Variants in PKIA observed in about 807,000 individuals in gnomAD.
The protein encoded by PKIA is PKI-alpha.
In PKIA, 4 loss-of-function variants were observed where a neutral mutation model predicts 7.6. That is an observed-to-expected ratio of 0.52 (90% CI 0.26 to 1.20). PKIA has a LOEUF of 1.20. Among genes scored for constraint, PKIA ranks in the 50% most tolerant of loss-of-function variants. PKIA has a pLI of 0.13. For missense variants in PKIA, 73 were observed against 86.2 expected, an observed-to-expected ratio of 0.85 and a Z score of 0.61; for synonymous variants, 21 against 30.7, an observed-to-expected ratio of 0.68 and a Z score of 1.04.
chr8:78,580,173 A>G (rs1807772115), intron 2 of PKIA, among the ~76,000 whole-genome samples: 1 of 152,090 alleles, frequency 6.6e-6, no homozygotes, highest in Non-Finnish European at 1.5e-5. Context: ...GATAAATATT[A>G]TAAATTTTGT....
intron 1 of PKIA, chr8:78,535,923 A>G (rs34428909): frequency 0.2 from 30,170 of 151,980 alleles, 3,885 homozygotes; most frequent in African/African-American, 0.37. Context: ...CAATCGCCCC[A>G]TGCACGCTGC....
At chr8:78,596,106 TC>T (rs1185112413) in intron 2 of PKIA, among the ~76,000 whole-genome samples, 1 of 152,190 alleles carries the variant, frequency 6.6e-6, no homozygotes, top group Non-Finnish European at 1.5e-5. Flanking sequence ...TTTGCATTTT[TC>T]TAATGATTAG....
rs150048606 is a variant in PKIA at position 78,522,532 on chromosome 8, A to G, written c.-157+6064A>G. Among the ~76,000 whole-genome samples, 447 of 152,076 alleles carry G rather than the reference A, an allele frequency of 2.9e-3. 1 individual carries two copies. The highest frequency in any genetic ancestry group is 0.01 in the African/African-American group (429 of 41,544). ...CTTTCATACTATCTTAAAAATGAAT[A>G]CAGATACTATAAGGAAATCAACTGA... On this transcript the variant is annotated intron_variant, in intron 1 of 3. Coordinates refer to ENST00000396418, the MANE Select transcript of PKIA (RefSeq NM_006823.4).
intron 2 of PKIA, among the ~76,000 whole-genome samples, chr8:78,579,806 C>T (rs1156515291): frequency 6.6e-6 from 1 of 152,030 alleles, no homozygotes; most frequent in Admixed American, 6.6e-5. Flanking sequence ...ACAACCATTT[C>T]CACCCATAAA....
intron 1 of PKIA, among the ~76,000 whole-genome samples, chr8:78,568,935 T>TC (rs1807483493): frequency 6.6e-6 from 1 of 152,054 alleles, no homozygotes; most frequent in African/African-American, 2.4e-5. Context: ...GCACTGTGGT[T>TC]CCCCCACCAG....
At position 78,585,870 on chromosome 8, in the gene PKIA, G is replaced by A. The variant is rs1563590078; in HGVS notation, c.-27-12488G>A. On this transcript the variant is annotated intron_variant, in intron 2 of 3. Transcript: ENST00000396418. ...AAAGATCGCCGAGTTTAGCTTAAATGTAGCATTGTGGCATATTAAAATGGC... is the reference window on the plus strand; with the variant it reads ...AAAGATCGCCGAGTTTAGCTTAAATATAGCATTGTGGCATATTAAAATGGC... Among the ~76,000 whole-genome samples the A allele has an allele frequency of 2.6e-5, 4 of 152,148 alleles. No homozygotes were observed. In the South Asian group the frequency reaches 8.3e-4, roughly 32 times the overall value.
intron 1 of PKIA, among the ~76,000 whole-genome samples, chr8:78,527,956 T>G (rs189025399): frequency 1.3e-5 from 2 of 152,250 alleles, no homozygotes; most frequent in Admixed American, 1.3e-4. Flanking sequence ...TAAATCAAGT[T>G]TTTCAGAATA....
chr8:78,542,076 T>C (rs745382944), intron 1 of PKIA, among the ~76,000 whole-genome samples: 1 of 152,040 alleles, frequency 6.6e-6, no homozygotes, highest in East Asian at 1.9e-4. Context: ...CTCAAGATGA[T>C]TGCTTGAGCC....
intron 1 of PKIA, among the ~76,000 whole-genome samples, chr8:78,563,231 A>G (rs1463746543): frequency 6.6e-6 from 1 of 152,186 alleles, no homozygotes. Flanking sequence ...TAACCTTTCA[A>G]TGCCTCAGTT....
At chr8:78,585,327 T>C (rs1807924222) in intron 2 of PKIA, among the ~76,000 whole-genome samples, 1 of 152,058 alleles carries the variant, frequency 6.6e-6, no homozygotes, top group African/African-American at 2.4e-5. Flanking sequence ...TTCTTTTCTC[T>C]AGAGCCTATT....
intron 1 of PKIA, among the ~76,000 whole-genome samples, chr8:78,520,734 C>CT (rs1171746632): frequency 6.6e-6 from 1 of 152,150 alleles, no homozygotes; most frequent in Non-Finnish European, 1.5e-5. Flanking sequence ...GTCTGTACAT[C>CT]TTCTCCCCAA....
chr8:78,547,099 T>C (rs1202098467), intron 1 of PKIA, among the ~76,000 whole-genome samples: 1 of 151,904 alleles, frequency 6.6e-6, no homozygotes, highest in African/African-American at 2.4e-5. Context: ...AAAAACAGTT[T>C]TGTTTTTTTT....
Position 78,536,373 on chromosome 8 carries a change from A to G in PKIA, c.-157+19905A>G, listed in dbSNP as rs142883413. ...AAGAAGTACAGCTGCCTCAGAGACAATGAGAGGCTATGAAAATAAAGGAAA... is the reference window on the plus strand; with the variant it reads ...AAGAAGTACAGCTGCCTCAGAGACAGTGAGAGGCTATGAAAATAAAGGAAA... On this transcript the variant is annotated intron_variant, in intron 1 of 3. Coordinates refer to ENST00000396418, the MANE Select transcript of PKIA (RefSeq NM_006823.4). Among the ~76,000 whole-genome samples, 1,439 of 152,230 alleles carry G rather than the reference A, an allele frequency of 9.5e-3. 16 individuals carry two copies. The highest frequency in any genetic ancestry group is 0.031 in the African/African-American group (1,301 of 41,556).
At chr8:78,589,458 T>C (rs1808040547) in intron 2 of PKIA, among the ~76,000 whole-genome samples, 1 of 152,150 alleles carries the variant, frequency 6.6e-6, no homozygotes, top group Non-Finnish European at 1.5e-5. Context: ...CATTTTAAAG[T>C]TTTTACGTGT....
rs146486922 is a variant in PKIA, at chr8:78,583,546, G to T, written c.-28+10607G>T. On this transcript the variant is annotated intron_variant, in intron 2 of 3. Transcript: ENST00000396418. ...TTTACTTTTTTGTAAGTCTCGAAAT[G>T]CTGTTTCTGTGTTAAAAATTGGTGA... 2.9e-3 allele frequency among the ~76,000 whole-genome samples: 441 copies of T among 152,218 alleles called. 5 individuals carry two copies. Among genetic ancestry groups the T allele is most frequent in the African/African-American group, 9.9e-3 (413 of 41,544 alleles).
At position 78,598,351 on chromosome 8, in the gene PKIA, T is replaced by G. The variant is rs1808277272; in HGVS notation, c.-27-7T>G. The G allele has an allele frequency of 6.4e-7, 1 of 1,574,042 alleles. No individual in the cohort carries two copies. Among genetic ancestry groups the G allele is most frequent in the African/African-American group, 1.4e-5 (1 of 73,774 alleles). ...TATTCACCTATTAATTTTCCTTTCTTTTGTAGTCCCTGCTATGTGGATATT... is the reference window on the plus strand; with the variant it reads ...TATTCACCTATTAATTTTCCTTTCTGTTGTAGTCCCTGCTATGTGGATATT... On this transcript the variant is annotated splice_polypyrimidine_tract_variant and splice_region_variant and intron_variant, in intron 2 of 3. Coordinates refer to ENST00000396418, the MANE Select transcript of PKIA (RefSeq NM_006823.4).
chr8:78,594,580 T>C (rs1316539475), intron 2 of PKIA, among the ~76,000 whole-genome samples: 1 of 152,174 alleles, frequency 6.6e-6, no homozygotes, highest in African/African-American at 2.4e-5. Context: ...CATGTTCCTA[T>C]GTTTTTCCTG....
At chr8:78,522,989 A>C (rs1364443624) in intron 1 of PKIA, among the ~76,000 whole-genome samples, 1 of 151,948 alleles carries the variant, frequency 6.6e-6, no homozygotes, top group Non-Finnish European at 1.5e-5. Context: ...TGTGAAGTAT[A>C]AACAGAATTG....
intron 1 of PKIA, among the ~76,000 whole-genome samples, chr8:78,553,780 C>A: frequency 6.7e-6 from 1 of 150,338 alleles, no homozygotes. Flanking sequence ...GGTTAGATGA[C>A]CAAATCTATT....
Sources: gnomAD v4.1 joint callset for allele counts (sites outside exome capture counted in the v4.1 genomes callset) on GRCh38, gnomAD v4.1.1 for gene constraint, MANE v1.5 for transcripts, NCBI Gene and HGNC (gene_info 2026-07-23, HGNC 2026-07-21) for gene names.